The following GOLPH3 variants were observed in gnomAD, a reference collection of about 807,000 sequenced individuals.
The protein encoded by GOLPH3 is coat protein GPP34.
In GOLPH3, 14 loss-of-function variants were observed where a neutral mutation model predicts 28.5. The ratio of observed to expected loss-of-function variants is 0.49; its 90% CI spans 0.32 to 0.77. The LOEUF is 0.77. GOLPH3 is among the 30% of genes least tolerant of loss of function. The probability of loss-of-function intolerance (pLI) is 0.03; values close to 1 mark genes in which losing one functional copy is unlikely to be tolerated. For missense variants in GOLPH3, 350 were observed against 393.7 expected (o/e 0.89, Z 0.94); for synonymous variants, 158 against 159.2 (o/e 0.99, Z 0.06).
At chr5:32,142,959 GCTCA>G (rs1427695321) in intron 2 of GOLPH3, among the ~76,000 whole-genome samples, 9 of 152,286 alleles carry the variant, frequency 5.9e-5, no homozygotes, top group African/African-American at 1.9e-4. Flanking sequence ...GTACCCAACA[GCTCA>G]CTGAGAACGG....
intron 2 of GOLPH3, among the ~76,000 whole-genome samples, chr5:32,139,443 G>A (rs942262566): frequency 6.6e-6 from 1 of 152,158 alleles, no homozygotes; most frequent in Non-Finnish European, 1.5e-5. Flanking sequence ...TGCCTAATCT[G>A]GCTGTTTTTC....
chr5:32,149,085 T>C (rs1746246220), intron 1 of GOLPH3, among the ~76,000 whole-genome samples: 2 of 152,200 alleles, frequency 1.3e-5, no homozygotes, highest in African/African-American at 2.4e-5. Flanking sequence ...CTGAATCAGT[T>C]ATATGGGCAT....
At chr5:32,131,387 G>A (rs933441290) in intron 3 of GOLPH3, among the ~76,000 whole-genome samples, 1 of 152,230 alleles carries the variant, frequency 6.6e-6, no homozygotes, top group Non-Finnish European at 1.5e-5. Flanking sequence ...GCGTAAGTAA[G>A]ACATCAGTAT....
intron 1 of GOLPH3, among the ~76,000 whole-genome samples, chr5:32,155,930 C>A (rs1165158092): frequency 8.3e-6 from 1 of 120,304 alleles, no homozygotes; most frequent in African/African-American, 3.2e-5. Context: ...GCACTCCAGC[C>A]GGGCAACAAG....
chr5:32,145,389 CTAA>C (rs1404917948), intron 1 of GOLPH3, among the ~76,000 whole-genome samples: 18 of 152,160 alleles, frequency 1.2e-4, no homozygotes, highest in African/African-American at 4.1e-4. Context: ...AGCAAAGTGG[CTAA>C]TAATACCAGT....
At chr5:32,166,077 A>G (rs1056498987) in intron 1 of GOLPH3, among the ~76,000 whole-genome samples, 6 of 152,250 alleles carry the variant, frequency 3.9e-5, no homozygotes, top group African/African-American at 1.4e-4. Context: ...TTTCCCCAAG[A>G]AAACACACAA....
chr5:32,147,051 A>G (rs946664817), intron 1 of GOLPH3, among the ~76,000 whole-genome samples: 1 of 152,172 alleles, frequency 6.6e-6, no homozygotes, highest in Non-Finnish European at 1.5e-5. Flanking sequence ...TTGAAGTTAC[A>G]TAAATATTAA....
At chr5:32,166,680 C>T (rs979088409) in intron 1 of GOLPH3, among the ~76,000 whole-genome samples, 1 of 151,934 alleles carries the variant, frequency 6.6e-6, no homozygotes, top group Non-Finnish European at 1.5e-5. Flanking sequence ...TGGTGGCAGG[C>T]GCCTGTAATC....
intron 3 of GOLPH3, among the ~76,000 whole-genome samples, chr5:32,127,203 T>C (rs982316356): frequency 1.3e-5 from 2 of 152,208 alleles, no homozygotes; most frequent in Admixed American, 6.5e-5. Flanking sequence ...GAGAGAAATA[T>C]TTAAAATAAA....
At chr5:32,152,416 C>T (rs1477084041) in intron 1 of GOLPH3, among the ~76,000 whole-genome samples, 3 of 142,398 alleles carry the variant, frequency 2.1e-5, no homozygotes, top group Admixed American at 1.5e-4. Flanking sequence ...TGAGCCACCG[C>T]GCCTGCCCCC....
intron 1 of GOLPH3, among the ~76,000 whole-genome samples, chr5:32,168,980 C>T (rs1189202908): frequency 6.7e-6 from 1 of 149,310 alleles, no homozygotes; most frequent in Non-Finnish European, 1.5e-5. Context: ...AAAAACACAA[C>T]AACAAAAAAA....
At chr5:32,140,521 T>C (rs1581541914) in intron 2 of GOLPH3, among the ~76,000 whole-genome samples, 2 of 149,806 alleles carry the variant, frequency 1.3e-5, no homozygotes, top group African/African-American at 4.9e-5. Context: ...TAGCCGGGTG[T>C]GGTGGTGCAT....
In GOLPH3 at chr5:32,125,633, A is replaced by AG. The variant is rs1448578646; in HGVS notation, c.*578_*579insC. ...TTGGACCTTTATAGTTAAAATTATAACAAGTGTAATAATACAATAGATTTA... is the reference window on the plus strand; with the variant it reads ...TTGGACCTTTATAGTTAAAATTATAAGCAAGTGTAATAATACAATAGATTTA... On this transcript the variant is annotated 3_prime_UTR_variant, in exon 4 of 4. Transcript: ENST00000265070. 1 of 152,758 alleles carries AG rather than the reference A, an allele frequency of 6.5e-6. No homozygotes were observed. Among genetic ancestry groups the AG allele is most frequent in the Non-Finnish European group, 1.5e-5 (1 of 68,098 alleles). The allele number at this position is 152,758 out of a possible 1,614,324, so 9.5% of individuals were successfully genotyped here.
intron 1 of GOLPH3, among the ~76,000 whole-genome samples, chr5:32,165,513 G>C (rs1360054566): frequency 1.3e-5 from 2 of 152,072 alleles, no homozygotes; most frequent in African/African-American, 4.8e-5. Context: ...AACCCAGGAG[G>C]CAGAGGTTGA....
chr5:32,164,102 A>G (rs746319615), intron 1 of GOLPH3, among the ~76,000 whole-genome samples: 3 of 152,252 alleles, frequency 2.0e-5, no homozygotes, highest in Non-Finnish European at 4.4e-5. Flanking sequence ...TCCTACACGC[A>G]GTTCAGTATG....
chr5:32,161,387 G>A (rs1207955454), intron 1 of GOLPH3, among the ~76,000 whole-genome samples: 5 of 131,292 alleles, frequency 3.8e-5, no homozygotes, highest in Non-Finnish European at 7.7e-5. Flanking sequence ...CTGGGTGACA[G>A]AGCATACCTT....
chr5:32,173,213 T>C (rs1019372645), intron 1 of GOLPH3, among the ~76,000 whole-genome samples: 32 of 151,538 alleles, frequency 2.1e-4, no homozygotes, highest in Admixed American at 2.0e-3. Context: ...TAAGTTCACC[T>C]AGAAAGTCAT....
intron 2 of GOLPH3, among the ~76,000 whole-genome samples, chr5:32,137,008 A>T (rs1479839643): frequency 1.3e-5 from 2 of 152,016 alleles, no homozygotes; most frequent in African/African-American, 4.8e-5. Flanking sequence ...CCCAGGCTGG[A>T]GTGCAGTGGC....
In GOLPH3 at chr5:32,128,003, G is replaced by A. The variant is rs1745720636; in HGVS notation, c.473-1367C>T. Among the ~76,000 whole-genome samples the A allele has an allele frequency of 2.6e-5, 4 of 152,142 alleles. No individual in the cohort carries two copies. The South Asian group carries it at 8.3e-4, about 32-fold the overall frequency. On this transcript the variant is annotated intron_variant, in intron 3 of 3. Coordinates refer to ENST00000265070, the MANE Select transcript of GOLPH3 (RefSeq NM_022130.4). Reference sequence around the variant, plus strand: ...GCAGTCCCATCACGTTAAGGCAGCAGAGATCAGAGTTCAGGGTAGCTAAGG... The same window carrying A: ...GCAGTCCCATCACGTTAAGGCAGCAAAGATCAGAGTTCAGGGTAGCTAAGG...
Sources: allele counts gnomAD v4.1 joint callset (sites outside exome capture counted in the v4.1 genomes callset), GRCh38; gene constraint gnomAD v4.1.1; transcripts MANE v1.5; gene names NCBI Gene and HGNC (gene_info 2026-07-23, HGNC 2026-07-21).